PLPP1: variants seen among roughly 807,000 people sequenced by gnomAD.
PLPP1 encodes the protein lipid phosphate phosphohydrolase 1a.
PLPP1 carries 24 observed loss-of-function variants against 31.2 expected under a neutral mutation model. The observed-to-expected ratio is 0.77, with a 90% CI of 0.56 to 1.08. PLPP1 has a LOEUF of 1.08. Among genes scored for constraint, PLPP1 ranks in the 50% least tolerant of loss-of-function variants. PLPP1 has a pLI of 0.00. For synonymous variants in PLPP1, 146 were observed against 126.3 expected, an observed-to-expected ratio of 1.16 and a Z score of -1.05; for missense variants, 319 against 342.7, an observed-to-expected ratio of 0.93 and a Z score of 0.55.
At chr5:55,430,968 A>G (rs955614880) in intron 4 of PLPP1, among the ~76,000 whole-genome samples, 1 of 152,222 alleles carries the variant, frequency 6.6e-6, no homozygotes, top group South Asian at 2.1e-4. Flanking sequence ...AGTTTCAACA[A>G]TAGACTGCAT....
intron 4 of PLPP1, among the ~76,000 whole-genome samples, chr5:55,437,537 A>C (rs934886516): frequency 6.6e-6 from 1 of 152,118 alleles, no homozygotes; most frequent in Non-Finnish European, 1.5e-5. Flanking sequence ...AAAAAAAAAA[A>C]ATACCAACCC....
At chr5:55,443,009 A>G (rs1000423518) in intron 3 of PLPP1, among the ~76,000 whole-genome samples, 16 of 151,510 alleles carry the variant, frequency 1.1e-4, no homozygotes, top group Non-Finnish European at 5.9e-5. Context: ...AACAAGAGGG[A>G]CCGGCTCTTA....
intron 4 of PLPP1, among the ~76,000 whole-genome samples, chr5:55,428,914 C>G (rs1184880622): frequency 6.6e-6 from 1 of 152,116 alleles, no homozygotes; most frequent in African/African-American, 2.4e-5. Context: ...CAGACAGGCT[C>G]GGCAGCAACA....
chr5:55,470,276 T>G (rs2111794927), intron 2 of PLPP1, among the ~76,000 whole-genome samples: 1 of 152,348 alleles, frequency 6.6e-6, no homozygotes, highest in East Asian at 1.9e-4. Flanking sequence ...CTTTGATTCT[T>G]GAAAACATAT....
chr5:55,491,872 A>G (rs1020690875), intron 1 of PLPP1, among the ~76,000 whole-genome samples: 2 of 147,420 alleles, frequency 1.4e-5, no homozygotes, highest in African/African-American at 5.0e-5. Flanking sequence ...AAAAAAAAAA[A>G]AAAAGAAAGA....
At chr5:55,502,666 G>T (rs992967836) in intron 1 of PLPP1, among the ~76,000 whole-genome samples, 1 of 152,138 alleles carries the variant, frequency 6.6e-6, no homozygotes, top group African/African-American at 2.4e-5. Flanking sequence ...TCTCATGCTG[G>T]ATAATGCAGA....
At chr5:55,449,809 A>G (rs1408991255) in intron 3 of PLPP1, among the ~76,000 whole-genome samples, 3 of 152,124 alleles carry the variant, frequency 2.0e-5, no homozygotes, top group African/African-American at 7.2e-5. Context: ...TTAAATACTG[A>G]ATGTTTAGGA....
chr5:55,460,436 TC>T (rs1156752454), intron 3 of PLPP1, among the ~76,000 whole-genome samples: 2 of 151,900 alleles, frequency 1.3e-5, no homozygotes, highest in Non-Finnish European at 2.9e-5. Flanking sequence ...GCCAGATCAG[TC>T]AAGAAAAAAA....
chr5:55,492,319 T>G lies in PLPP1; in HGVS notation c.59-16869A>C, dbSNP rs1208174544. On this transcript the variant is annotated intron_variant, in intron 1 of 5. Coordinates refer to ENST00000307259, the MANE Select transcript of PLPP1 (RefSeq NM_003711.4). ...AAAACAAATCCCAAGGTAGATTTTT[T>G]GGGGAAAATGATGAAACTGTTCTGT... Among the ~76,000 whole-genome samples the G allele has an allele frequency of 2.6e-5, 4 of 152,184 alleles. No homozygotes were observed. The East Asian group carries it at 7.7e-4, about 29-fold the overall frequency.
Position 55,426,089 on chromosome 5 carries a change from A to ACTT in PLPP1, c.550-53_550-51dup. The ACTT allele has an allele frequency of 2.8e-6, 4 of 1,450,726 alleles. No homozygotes were observed. In the South Asian group the frequency reaches 5.7e-5, roughly 21 times the overall value. 89.9% of individuals were successfully genotyped at this position (1,450,726 alleles called of 1,614,324 possible). ...AATAGTTTATTTAACATAACGCAAA[A>ACTT]CTTTTATATTAAGGAAGGGTTGGCA... is the stretch of plus-strand genomic sequence containing the variant. On this transcript the variant is annotated intron_variant, in intron 4 of 5. Coordinates refer to ENST00000307259, the MANE Select transcript of PLPP1 (RefSeq NM_003711.4).
chr5:55,425,426 CA>C (rs1196853984), intron 5 of PLPP1, 92 bp from the exon 6 acceptor site: 1 of 1,204,984 alleles, frequency 8.3e-7, no homozygotes, highest in African/African-American at 1.5e-5. Context: ...TAAATATAAA[CA>C]AAAGGATATA....
chr5:55,442,004 A>G, intron 3 of PLPP1, 96 bp from the exon 4 acceptor site: 1 of 1,182,202 alleles, frequency 8.5e-7, no homozygotes, highest in East Asian at 2.5e-5. Context: ...GAGTGTACAC[A>G]ACTGCCTCCC....
chr5:55,426,142 T>C lies in PLPP1; in HGVS notation c.550-103A>G, dbSNP rs1018325824. On this transcript the variant is annotated intron_variant, in intron 4 of 5. Transcript: ENST00000307259. ...TGAAATGATTATCAAAGTATTATTA[T>C]ATAGGGAACAGGACTTCTAGGCAAA... is the stretch of plus-strand genomic sequence containing the variant. 6 of 1,039,086 alleles carry C rather than the reference T, an allele frequency of 5.8e-6. No homozygotes were observed. The East Asian group carries it at 1.3e-4, about 23-fold the overall frequency. The allele number at this position is 1,039,086 out of a possible 1,614,324, so 64.4% of individuals were successfully genotyped here. A position where few individuals can be genotyped will look rare whatever the true frequency, so the allele number is the denominator to read the frequency against.
At chr5:55,497,528 C>T (rs1753028808) in intron 1 of PLPP1, among the ~76,000 whole-genome samples, 1 of 151,050 alleles carries the variant, frequency 6.6e-6, no homozygotes, top group African/African-American at 2.4e-5. Context: ...GCTGGGATTA[C>T]ACATATAAAC....
At chr5:55,492,550 G>A (rs1752917227) in intron 1 of PLPP1, among the ~76,000 whole-genome samples, 1 of 152,152 alleles carries the variant, frequency 6.6e-6, no homozygotes, top group African/African-American at 2.4e-5. Flanking sequence ...AAGGTGAAAT[G>A]ACAGGTAAAA....
intron 4 of PLPP1, among the ~76,000 whole-genome samples, chr5:55,440,018 A>G (rs920888105): frequency 7.2e-5 from 11 of 152,220 alleles, no homozygotes; most frequent in African/African-American, 2.2e-4. Context: ...AGAACTCAGC[A>G]GCCCCCTCCC....
chr5:55,512,514 A>G, intron 1 of PLPP1, among the ~76,000 whole-genome samples: 3 of 6,822 alleles, frequency 4.4e-4, no homozygotes, highest in African/African-American at 1.2e-3. Context: ...AAGAAAAGAA[A>G]AGAAAGAAAG....
intron 4 of PLPP1, among the ~76,000 whole-genome samples, chr5:55,434,696 G>A (rs971995143): frequency 1.3e-5 from 2 of 152,148 alleles, no homozygotes; most frequent in Non-Finnish European, 2.9e-5. Flanking sequence ...GTCACTAAAT[G>A]GTGCTGGGAA....
chr5:55,447,940 C>G (rs940349525), intron 3 of PLPP1, among the ~76,000 whole-genome samples: 2 of 152,142 alleles, frequency 1.3e-5, no homozygotes, highest in African/African-American at 4.8e-5. Context: ...CATAACGAGG[C>G]ATTTTCTCAA....
Sources: gnomAD v4.1 joint callset for allele counts (sites outside exome capture counted in the v4.1 genomes callset) on GRCh38, gnomAD v4.1.1 for gene constraint, MANE v1.5 for transcripts, NCBI Gene and HGNC (gene_info 2026-07-23, HGNC 2026-07-21) for gene names.